KCNH7: variants seen among roughly 807,000 people sequenced by gnomAD.
KCNH7 encodes potassium voltage-gated channel subfamily H member 7, also known as voltage-gated inwardly rectifying potassium channel KCNH7.
KCNH7 carries 49 observed loss-of-function variants against 120.8 expected under a neutral mutation model. The ratio of observed to expected loss-of-function variants is 0.41; its 90% CI spans 0.32 to 0.51. The LOEUF (loss-of-function observed/expected upper bound fraction) is 0.51. KCNH7 is among the 20% of genes least tolerant of loss of function. KCNH7 has a pLI of 0.38. For missense variants in KCNH7, 1,097 were observed against 1,446.6 expected, an observed-to-expected ratio of 0.76 and a Z score of 3.92; for synonymous variants, 547 against 516.1, an observed-to-expected ratio of 1.06 and a Z score of -0.81.
At chr2:162,620,260 C>CAT (rs1264569849) in intron 2 of KCNH7, among the ~76,000 whole-genome samples, 2 of 150,514 alleles carry the variant, frequency 1.3e-5, no homozygotes, top group Non-Finnish European at 3.0e-5. Context: ...AGAAATTTTT[C>CAT]ATATATATAT....
chr2:162,501,803 A>G (rs1421875236), intron 6 of KCNH7, among the ~76,000 whole-genome samples: 2 of 152,104 alleles, frequency 1.3e-5, no homozygotes, highest in Non-Finnish European at 2.9e-5. Flanking sequence ...TCCAAATGCC[A>G]TCATGCTGGT....
chr2:162,521,567 G>A (rs995204238), intron 3 of KCNH7, among the ~76,000 whole-genome samples: 1 of 151,864 alleles, frequency 6.6e-6, no homozygotes, highest in African/African-American at 2.4e-5. Context: ...TGGTCTAGCA[G>A]TTAATAGTGA....
intron 14 of KCNH7, among the ~76,000 whole-genome samples, chr2:162,376,364 G>GTTTTTTTTTTTTTT (rs374453027): frequency 6.9e-6 from 1 of 145,968 alleles, no homozygotes; most frequent in Non-Finnish European, 1.5e-5. Context: ...TCAAAGTGTG[G>GTTTTTTTTTTTTTT]TTTGTTTTTT....
chr2:162,420,343 T>G (rs960707522), intron 9 of KCNH7, among the ~76,000 whole-genome samples: 1 of 152,108 alleles, frequency 6.6e-6, no homozygotes, highest in Admixed American at 6.6e-5. Flanking sequence ...ACTGCTGCAC[T>G]CTAGGCTGGG....
chr2:162,499,431 T>A (rs1690603544), intron 6 of KCNH7, among the ~76,000 whole-genome samples: 1 of 152,100 alleles, frequency 6.6e-6, no homozygotes, highest in Non-Finnish European at 1.5e-5. Context: ...CTACTGCACA[T>A]CAGCCTTTAC....
intron 8 of KCNH7, among the ~76,000 whole-genome samples, chr2:162,429,383 C>CTTTTTTTTTT (rs60854157): frequency 0.027 from 2,283 of 86,078 alleles, 413 homozygotes; most frequent in African/African-American, 0.13. Flanking sequence ...AGGAAAAAGT[C>CTTTTTTTTTT]TTTTTTTTTT....
intron 12 of KCNH7, among the ~76,000 whole-genome samples, chr2:162,388,590 A>C (rs555335772): frequency 6.6e-6 from 1 of 152,050 alleles, no homozygotes; most frequent in South Asian, 2.1e-4. Context: ...ATTGTTTGCT[A>C]TTGAAGAAGA....
At chr2:162,784,100 T>C (rs772488293) in intron 2 of KCNH7, among the ~76,000 whole-genome samples, 1 of 152,190 alleles carries the variant, frequency 6.6e-6, no homozygotes, top group Non-Finnish European at 1.5e-5. Flanking sequence ...TTTTATAATA[T>C]AGTATTTGGA....
At chr2:162,485,606 C>T (rs765493384) in intron 6 of KCNH7, among the ~76,000 whole-genome samples, 5 of 152,050 alleles carry the variant, frequency 3.3e-5, no homozygotes, top group Non-Finnish European at 7.4e-5. Context: ...TTATTGAAAA[C>T]ACAAAGTGAG....
At chr2:162,602,459 T>C (rs983724614) in intron 2 of KCNH7, among the ~76,000 whole-genome samples, 8 of 152,236 alleles carry the variant, frequency 5.3e-5, no homozygotes, top group African/African-American at 1.9e-4. Flanking sequence ...TGCTACTTTT[T>C]AAACTTTGTT....
At position 162,838,582 on chromosome 2, in the gene KCNH7, C is replaced by A; in HGVS notation, c.-64G>T. Reference sequence around the variant, plus strand: ...CTGGAGTTCTCCCGGGATCTCTCCTCGGCTAGAGCCCAGGCCAGCGCGCGA... The same window carrying A: ...CTGGAGTTCTCCCGGGATCTCTCCTAGGCTAGAGCCCAGGCCAGCGCGCGA... On this transcript the variant is annotated 5_prime_UTR_variant, in exon 1 of 16. Transcript: ENST00000332142. 7.4e-7 allele frequency: 1 copy of A among 1,358,054 alleles called. No homozygotes were observed. The allele number at this position is 1,358,054 out of a possible 1,614,324, so 84.1% of individuals were successfully genotyped here.
chr2:162,715,026 G>A (rs943591604), intron 2 of KCNH7, among the ~76,000 whole-genome samples: 9 of 152,074 alleles, frequency 5.9e-5, no homozygotes, highest in Admixed American at 5.2e-4. Flanking sequence ...TGTGTAAAAT[G>A]TATTATACGA....
chr2:162,416,301 A>G (rs548931359), intron 9 of KCNH7, among the ~76,000 whole-genome samples: 2 of 150,262 alleles, frequency 1.3e-5, no homozygotes, highest in African/African-American at 4.9e-5. Flanking sequence ...TGAACCCAGG[A>G]GGTGGAAGTT....
At position 162,380,150 on chromosome 2, in the gene KCNH7, C is replaced by G. The variant is rs1032031285; in HGVS notation, c.2963-129G>C. On this transcript the variant is annotated intron_variant, in intron 13 of 15. Coordinates refer to ENST00000332142, the MANE Select transcript of KCNH7 (RefSeq NM_033272.4). ...TGAGAGACAGAGAACCAAAAGTATT[C>G]AGTGATGTGTCCAGGGGCCACGGCC... 16 of 1,103,354 alleles carry G rather than the reference C, an allele frequency of 1.5e-5. No homozygotes were observed. The African/African-American group carries it at 2.5e-4, about 17-fold the overall frequency. The allele number at this position is 1,103,354 out of a possible 1,614,324, so 68.3% of individuals were successfully genotyped here.
At chr2:162,760,760 C>A (rs1027600255) in intron 2 of KCNH7, among the ~76,000 whole-genome samples, 3 of 152,056 alleles carry the variant, frequency 2.0e-5, no homozygotes, top group African/African-American at 7.2e-5. Flanking sequence ...TTCATTGCAG[C>A]ATCTGCTCTA....
intron 2 of KCNH7, among the ~76,000 whole-genome samples, chr2:162,827,529 T>TGATA (rs201287698): frequency 1.1e-5 from 1 of 89,666 alleles, no homozygotes; most frequent in African/African-American, 3.1e-5. Flanking sequence ...ACACTCTGCC[T>TGATA]GATATTCATT....
At chr2:162,792,656 C>T (rs993842800) in intron 2 of KCNH7, among the ~76,000 whole-genome samples, 5 of 148,274 alleles carry the variant, frequency 3.4e-5, no homozygotes, top group Admixed American at 6.8e-5. Context: ...ATCCCCTTTG[C>T]GTTTATTTGA....
intron 5 of KCNH7, among the ~76,000 whole-genome samples, chr2:162,511,342 A>C (rs1691066005): frequency 6.6e-6 from 1 of 151,742 alleles, no homozygotes; most frequent in South Asian, 2.1e-4. Flanking sequence ...TTTACTGCTA[A>C]TTGTTAAATC....
rs151202270 is a variant in KCNH7 at position 162,432,951 on chromosome 2, G to A, written c.1954+2247C>T. Among the ~76,000 whole-genome samples the A allele has an allele frequency of 5.7e-3, 866 of 151,978 alleles. 8 individuals carry two copies. Among genetic ancestry groups the A allele is most frequent in the African/African-American group, 0.018 (729 of 41,500 alleles). On this transcript the variant is annotated intron_variant, in intron 8 of 15. Transcript: ENST00000332142. Reference sequence around the variant, plus strand: ...TGATAAATGTCTTCAGTAAAGTTTCGAGATACAGAATCAATGTGCAAAAAT... The same window carrying A: ...TGATAAATGTCTTCAGTAAAGTTTCAAGATACAGAATCAATGTGCAAAAAT...
Sources: gnomAD v4.1 joint callset for allele counts (sites outside exome capture counted in the v4.1 genomes callset) on GRCh38, gnomAD v4.1.1 for gene constraint, MANE v1.5 for transcripts, NCBI Gene and HGNC (gene_info 2026-07-23, HGNC 2026-07-21) for gene names.